Variants in CNTLN observed in about 807,000 individuals in gnomAD.
The protein encoded by CNTLN is centlein, also known as centlein, centrosomal protein.
Under a neutral mutation model 180.0 loss-of-function variants are expected in CNTLN, and 212 were observed. That is an observed-to-expected ratio of 1.18 (90% CI 1.05 to 1.32). The LOEUF is 1.32. Among genes scored for constraint, CNTLN ranks in the 40% most tolerant of loss-of-function variants. The probability of loss-of-function intolerance (pLI) is 0.00; values close to 1 mark genes in which losing one functional copy is unlikely to be tolerated. For synonymous variants in CNTLN, 722 were observed against 563.1 expected (o/e 1.28, Z -3.99); for missense variants, 2,095 against 1,610.9 (o/e 1.30, Z -5.14).
chr9:17,171,098 G>A lies in CNTLN; in HGVS notation c.449+27722G>A, dbSNP rs531934158. On this transcript the variant is annotated intron_variant, in intron 2 of 25. Transcript: ENST00000380647. ...GCATTTCTTGGAATGAATCCTTGTT[G>A]TTAAGTTACACGTGACTGTATTTTG... Among the ~76,000 whole-genome samples, 19 of 152,280 alleles carry A rather than the reference G, an allele frequency of 1.2e-4. No individual in the cohort carries two copies. In the South Asian group the frequency reaches 3.5e-3, roughly 28 times the overall value.
chr9:17,324,283 C>T (rs987009620), intron 8 of CNTLN, among the ~76,000 whole-genome samples: 19 of 152,024 alleles, frequency 1.2e-4, no homozygotes, highest in African/African-American at 4.1e-4. Context: ...TTTAGGATGC[C>T]ACTAACAGAA....
At chr9:17,516,217 A>C in the CNTLN span, among the ~76,000 whole-genome samples, 1 of 151,822 alleles carries the variant, frequency 6.6e-6, no homozygotes, top group African/African-American at 2.4e-5. Context: ...TCTACCATCT[A>C]CCCTGCCTTA....
chr9:17,192,423 G>A (rs949402515), intron 2 of CNTLN, among the ~76,000 whole-genome samples: 1 of 152,126 alleles, frequency 6.6e-6, no homozygotes, highest in South Asian at 2.1e-4. Flanking sequence ...ATTTTTAGTA[G>A]AGATGGGGTT....
intron 12 of CNTLN, among the ~76,000 whole-genome samples, chr9:17,362,381 C>T (rs2133397205): frequency 6.6e-6 from 1 of 152,226 alleles, no homozygotes; most frequent in South Asian, 2.1e-4. Flanking sequence ...TCCTATCAAT[C>T]TGTAATGGAC....
At chr9:17,278,765 G>GA (rs1238450153) in intron 6 of CNTLN, among the ~76,000 whole-genome samples, 1 of 151,804 alleles carries the variant, frequency 6.6e-6, no homozygotes, top group Non-Finnish European at 1.5e-5. Flanking sequence ...GAAGGTAAAA[G>GA]AAAAAAACGT....
intron 5 of CNTLN, among the ~76,000 whole-genome samples, chr9:17,256,513 T>C (rs1413795470): frequency 6.6e-6 from 1 of 151,904 alleles, no homozygotes; most frequent in East Asian, 1.9e-4. Flanking sequence ...TGATGATTAG[T>C]GATTTTGAGC....
At chr9:17,301,302 A>G (rs1818329707) in intron 7 of CNTLN, 1 of 985,388 alleles carries the variant, frequency 1.0e-6, no homozygotes, top group South Asian at 4.7e-5. Flanking sequence ...AACCGTAAAC[A>G]CTTTTCTTCT....
At chr9:17,169,864 T>C (rs1430368641) in intron 2 of CNTLN, among the ~76,000 whole-genome samples, 2 of 152,214 alleles carry the variant, frequency 1.3e-5, no homozygotes, top group Non-Finnish European at 2.9e-5. Context: ...TTGCTGAAGA[T>C]TGCTTTAGCT....
chr9:17,463,001 A>C lies in CNTLN; in HGVS notation c.3392A>C (p.Glu1131Ala). The change falls in exon 20 of 26, where the codon GAA becomes GCA. Residue 1131 changes from glutamate to alanine, a missense_variant. Coordinates refer to ENST00000380647, the MANE Select transcript of CNTLN (RefSeq NM_017738.4). ...CTAGCAAAAGAAGAACACATAAAGG[A>C]AATGCATGAAAAGTATGGTTTTTGT... ...ELLAKEEHIK[E>A]MHEKISRMER... is the part of the protein sequence containing the mutation. The C allele has an allele frequency of 6.4e-7, 1 of 1,571,436 alleles. No homozygotes were observed. Among genetic ancestry groups the C allele is most frequent in the Non-Finnish European group, 8.6e-7 (1 of 1,159,414 alleles).
chr9:17,250,285 T>G (rs1563920824), intron 5 of CNTLN, among the ~76,000 whole-genome samples: 1 of 152,084 alleles, frequency 6.6e-6, no homozygotes, highest in Non-Finnish European at 1.5e-5. Context: ...GTAGATAACA[T>G]ATTGTTGTAG....
chr9:17,510,471 G>A, the CNTLN span, among the ~76,000 whole-genome samples: 2 of 152,184 alleles, frequency 1.3e-5, no homozygotes, highest in Admixed American at 1.3e-4. Flanking sequence ...CATTCTGGAT[G>A]TTTCTGTGAG....
intron 18 of CNTLN, among the ~76,000 whole-genome samples, chr9:17,424,720 C>G (rs1005390200): frequency 6.6e-6 from 1 of 152,156 alleles, no homozygotes; most frequent in African/African-American, 2.4e-5. Flanking sequence ...TACATAAGGT[C>G]ATCAGCAGGG....
chr9:17,302,558 A>G (rs1184472987), intron 7 of CNTLN, among the ~76,000 whole-genome samples: 2 of 152,118 alleles, frequency 1.3e-5, no homozygotes, highest in East Asian at 3.9e-4. Flanking sequence ...CCATAATAAG[A>G]ATGTACGGGG....
chr9:17,506,266 A>G (rs184799442), downstream of CNTLN, among the ~76,000 whole-genome samples: 769 of 152,254 alleles, frequency 5.1e-3, 10 homozygotes, highest in Non-Finnish European at 4.4e-3. Flanking sequence ...AGAAAAATTG[A>G]TAAGTTTTAC....
intron 13 of CNTLN, among the ~76,000 whole-genome samples, chr9:17,379,400 G>A (rs1825044951): frequency 6.7e-6 from 1 of 150,076 alleles, no homozygotes; most frequent in Non-Finnish European, 1.5e-5. Context: ...ATGACACTTT[G>A]CCCTGCAAAC....
At chr9:17,140,636 C>G (rs902392193) in intron 1 of CNTLN, among the ~76,000 whole-genome samples, 1 of 152,036 alleles carries the variant, frequency 6.6e-6, no homozygotes, top group African/African-American at 2.4e-5. Context: ...CGATGGGGGT[C>G]TCACTATGTT....
At chr9:17,405,200 T>C (rs1419651767) in intron 15 of CNTLN, among the ~76,000 whole-genome samples, 1 of 151,746 alleles carries the variant, frequency 6.6e-6, no homozygotes, top group Admixed American at 6.6e-5. Flanking sequence ...TTCTCACTGA[T>C]ATTTAACTTC....
chr9:17,152,108 C>G (rs893077832), intron 2 of CNTLN, among the ~76,000 whole-genome samples: 3 of 152,144 alleles, frequency 2.0e-5, no homozygotes, highest in Non-Finnish European at 4.4e-5. Flanking sequence ...TTTCAAAAAA[C>G]CAGCTCCTGC....
At chr9:17,156,092 C>T (rs183301849) in intron 2 of CNTLN, among the ~76,000 whole-genome samples, 10 of 152,256 alleles carry the variant, frequency 6.6e-5, no homozygotes, top group South Asian at 2.1e-4. Context: ...TGAGATGAAC[C>T]GGGTACTTCA....
Sources: gnomAD v4.1 joint callset for allele counts (sites outside exome capture counted in the v4.1 genomes callset) on GRCh38, gnomAD v4.1.1 for gene constraint, MANE v1.5 for transcripts, NCBI Gene and HGNC (gene_info 2026-07-23, HGNC 2026-07-21) for gene names.